RNLS: variants seen among roughly 807,000 people sequenced by gnomAD.
RNLS encodes renalase.
RNLS carries 39 observed loss-of-function variants against 39.8 expected under a neutral mutation model. The ratio of observed to expected loss-of-function variants is 0.98; its 90% CI spans 0.76 to 1.28. RNLS has a LOEUF of 1.28. Among genes scored for constraint, RNLS ranks in the 50% most tolerant of loss-of-function variants. RNLS has a pLI of 0.00. For synonymous variants in RNLS, 147 were observed against 150.7 expected, an observed-to-expected ratio of 0.98 and a Z score of 0.18; for missense variants, 410 against 413.3, an observed-to-expected ratio of 0.99 and a Z score of 0.07.
In RNLS at chr10:88,548,261, CAAAAAAAAAAAAAAAAAAAAAAA is replaced by C. The variant is rs869175046; in HGVS notation, c.526+24619_526+24641del. Among the ~76,000 whole-genome samples the C allele has an allele frequency of 1.8e-3, 58 of 32,406 alleles. 2 individuals are homozygous for C. Among genetic ancestry groups the C allele is most frequent in the African/African-American group, 9.8e-3 (49 of 4,984 alleles). 21.3% of individuals were successfully genotyped at this position (32,406 alleles called of 152,430 possible). ...TGGGCGACAGAGCAAGACTCCGTCT[CAAAAAAAAAAAAAAAAAAAAAAA>C]AAAAAAAAAGAAAAGAAAAAAGAAA... On this transcript the variant is annotated intron_variant, in intron 4 of 6. Transcript: ENST00000331772.
intron 4 of RNLS, among the ~76,000 whole-genome samples, chr10:88,514,789 C>T (rs1420698833): frequency 6.6e-6 from 1 of 152,014 alleles, no homozygotes; most frequent in Non-Finnish European, 1.5e-5. Flanking sequence ...CCTGTATAGA[C>T]CACATTTTCT....
chr10:88,358,267 A>G (rs540504668), intron 5 of RNLS, among the ~76,000 whole-genome samples: 55 of 152,312 alleles, frequency 3.6e-4, no homozygotes, highest in African/African-American at 1.3e-3. Context: ...GTATTTCCCA[A>G]TTGATGCCTT....
Position 88,285,386 on chromosome 10 carries a change from A to C in RNLS, c.997T>G (p.Cys333Gly), listed in dbSNP as rs760393985. Residue 333 changes from cysteine to glycine, a missense_variant, in exon 7 of 7, where the codon TGT (cysteine) becomes GGT (glycine). Physicochemically the swap from Cys to Gly is radical, Grantham distance 159. Transcript: ENST00000331772. ...TAATTCTTTAAAGCTTCCAGAACAC[A>C]TAGGGCAGAAGTGATGCAGCCATCA... The part of the protein sequence containing the change: ...NFDGCITSAL[C>G]VLEALKNYI 19 of 1,612,206 alleles carry C rather than the reference A, an allele frequency of 1.2e-5. No individual in the cohort carries two copies. Among genetic ancestry groups the C allele is most frequent in the Non-Finnish European group, 1.6e-5 (19 of 1,178,732 alleles).
chr10:88,420,807 T>C (rs1005990690), intron 4 of RNLS, among the ~76,000 whole-genome samples: 17 of 152,268 alleles, frequency 1.1e-4, no homozygotes, highest in African/African-American at 3.6e-4. Flanking sequence ...TAGGCGCTAA[T>C]GCTATGTTTG....
At chr10:88,232,030 G>C in the RNLS span, among the ~76,000 whole-genome samples, 8 of 151,472 alleles carry the variant, frequency 5.3e-5, no homozygotes, top group Admixed American at 2.0e-4. Flanking sequence ...CATGTTTGTG[G>C]TTGTGAGATG....
At chr10:88,394,738 T>A (rs1231517837) in intron 4 of RNLS, among the ~76,000 whole-genome samples, 1 of 152,168 alleles carries the variant, frequency 6.6e-6, no homozygotes, top group Non-Finnish European at 1.5e-5. Context: ...TAAAGACACA[T>A]GCACACGTAT....
At chr10:88,465,928 A>T (rs1225496565) in intron 4 of RNLS, among the ~76,000 whole-genome samples, 4 of 152,054 alleles carry the variant, frequency 2.6e-5, no homozygotes, top group Admixed American at 2.0e-4. Flanking sequence ...CTTCAGGTCA[A>T]CCACTACTGG....
intron 5 of RNLS, among the ~76,000 whole-genome samples, chr10:88,353,266 T>C (rs1227404809): frequency 2.0e-5 from 3 of 152,242 alleles, no homozygotes; most frequent in Non-Finnish European, 4.4e-5. Flanking sequence ...TTGAATGTGT[T>C]TGCTCTTGCT....
intron 4 of RNLS, among the ~76,000 whole-genome samples, chr10:88,440,422 G>T (rs1358361133): frequency 2.6e-5 from 4 of 152,172 alleles, no homozygotes; most frequent in Non-Finnish European, 4.4e-5. Flanking sequence ...TATAATTCAA[G>T]ATACCTTCAG....
intron 4 of RNLS, among the ~76,000 whole-genome samples, chr10:88,369,579 C>T (rs1340119987): frequency 6.6e-6 from 1 of 152,158 alleles, no homozygotes; most frequent in Non-Finnish European, 1.5e-5. Context: ...CCCATTTAGG[C>T]CTAGGAGTAG....
At chr10:88,265,323 C>CTTTTTTTTTTTTTTTTT in the RNLS span, among the ~76,000 whole-genome samples, 7 of 59,066 alleles carry the variant, frequency 1.2e-4, no homozygotes, top group Non-Finnish European at 1.9e-4. Context: ...CAGGGTTTTT[C>CTTTTTTTTTTTTTTTTT]TTTTTTTTTT....
chr10:88,364,541 A>C (rs748322965), intron 4 of RNLS, among the ~76,000 whole-genome samples: 6 of 152,158 alleles, frequency 3.9e-5, no homozygotes, highest in Non-Finnish European at 5.9e-5. Context: ...TAGAGCTCCC[A>C]TATTAGAGTT....
At chr10:88,224,803 T>C in the RNLS span, among the ~76,000 whole-genome samples, 29 of 152,312 alleles carry the variant, frequency 1.9e-4, no homozygotes, top group African/African-American at 6.7e-4. Flanking sequence ...GTAATTCAAA[T>C]GATAACACAA....
chr10:88,194,994 A>G, the RNLS span, among the ~76,000 whole-genome samples: 1 of 152,166 alleles, frequency 6.6e-6, no homozygotes. Context: ...TCCCCACCAG[A>G]ATATGAGGTT....
the RNLS span, among the ~76,000 whole-genome samples, chr10:88,230,931 T>C: frequency 6.6e-6 from 1 of 152,200 alleles, no homozygotes; most frequent in African/African-American, 2.4e-5. Context: ...AGCCAGTAGG[T>C]AGTCAGGCCA....
chr10:88,514,440 C>T (rs1020119976), intron 4 of RNLS, among the ~76,000 whole-genome samples: 4 of 152,026 alleles, frequency 2.6e-5, no homozygotes, highest in Non-Finnish European at 2.9e-5. Flanking sequence ...AACAATATCA[C>T]CTCTTAAAAA....
the RNLS span, among the ~76,000 whole-genome samples, chr10:88,267,376 G>C: frequency 6.6e-6 from 1 of 152,122 alleles, no homozygotes; most frequent in Non-Finnish European, 1.5e-5. Flanking sequence ...CAGAGTTTGA[G>C]ACCAGCCTGG....
At chr10:88,181,611 T>C in the RNLS span, among the ~76,000 whole-genome samples, 37 of 152,290 alleles carry the variant, frequency 2.4e-4, no homozygotes, top group African/African-American at 8.2e-4. Flanking sequence ...ATGCACATCT[T>C]TGACTATTTA....
downstream of RNLS, among the ~76,000 whole-genome samples, chr10:88,270,680 C>G (rs573064717): frequency 6.6e-6 from 1 of 152,278 alleles, no homozygotes; most frequent in African/African-American, 2.4e-5. Context: ...ATCAAAATCT[C>G]CAGTAGGAGA....
Sources: gnomAD v4.1 joint callset for allele counts (sites outside exome capture counted in the v4.1 genomes callset) on GRCh38, gnomAD v4.1.1 for gene constraint, MANE v1.5 for transcripts, NCBI Gene and HGNC (gene_info 2026-07-23, HGNC 2026-07-21) for gene names.